Variants in SLC20A1 observed in about 807,000 individuals in gnomAD.
SLC20A1 encodes the protein sodium-dependent phosphate transporter 1.
A neutral mutation model predicts 62.7 loss-of-function variants in SLC20A1; 28 were observed. The ratio of observed to expected loss-of-function variants is 0.45; its 90% CI spans 0.33 to 0.61. The LOEUF (loss-of-function observed/expected upper bound fraction) is 0.61. SLC20A1 is among the 20% of genes least tolerant of loss of function. The pLI is 0.02. For missense variants in SLC20A1, 673 were observed against 838.6 expected, an observed-to-expected ratio of 0.80 and a Z score of 2.44; for synonymous variants, 305 against 302.9, an observed-to-expected ratio of 1.01 and a Z score of -0.07.
At chr2:112,657,262 A>T in intron 6 of SLC20A1, 21 bp downstream of exon 6, 4 of 1,606,366 alleles carry the variant, frequency 2.5e-6, no homozygotes, top group Non-Finnish European at 3.4e-6. Flanking sequence ...ACTAAACAGC[A>T]GAAAAGTTTA....
At chr2:112,649,261 A>G (rs1214158459) in intron 4 of SLC20A1, among the ~76,000 whole-genome samples, 1 of 152,210 alleles carries the variant, frequency 6.6e-6, no homozygotes, top group African/African-American at 2.4e-5. Flanking sequence ...CTATATGGGT[A>G]TGGGAATGGG....
chr2:112,654,964 ATTT>A (rs371613434), intron 5 of SLC20A1, among the ~76,000 whole-genome samples: 101 of 89,338 alleles, frequency 1.1e-3, no homozygotes, highest in South Asian at 5.2e-3. Flanking sequence ...TTTGTTTCTA[ATTT>A]TTTTTTTTTT....
In SLC20A1 at chr2:112,659,396, G is replaced by A; in HGVS notation, c.1241G>A (p.Arg414His). 1.9e-6 allele frequency: 3 copies of A among 1,614,178 alleles called. No homozygotes were observed. The highest frequency in any genetic ancestry group is 1.7e-5 in the Admixed American group (1 of 60,016). Residue 414 changes from arginine to histidine, a missense_variant, in exon 8 of 11, where the codon CGC (arginine) becomes CAC (histidine). By Grantham distance (29) the Arg-to-His change is conservative. Transcript: ENST00000272542. ...GACTCCGGTGACAAACCCTTAAGGC[G>A]CAATAATAGCTATACTTCCTATACC... The part of the protein sequence containing the change: ...MGDSGDKPLR[R>H]NNSYTSYTMA...
intron 6 of SLC20A1, among the ~76,000 whole-genome samples, chr2:112,657,907 G>A (rs569056497): frequency 7.0e-4 from 107 of 152,238 alleles, no homozygotes; most frequent in African/African-American, 2.3e-3. Flanking sequence ...GGTTAGTATC[G>A]GACTTTTTTT....
In SLC20A1 at chr2:112,661,136, CTG is replaced by C. The variant is rs1686738321; in HGVS notation, c.1794-4_1794-3del. 6 of 1,612,408 alleles carry C rather than the reference CTG, an allele frequency of 3.7e-6. No individual in the cohort carries two copies. Among genetic ancestry groups the C allele is most frequent in the Non-Finnish European group, 5.1e-6 (6 of 1,178,652 alleles). The stretch of plus-strand genomic sequence containing the variant: ...CTTCCTGACAAGAATCCTTTTGTGT[CTG>C]TAGTGGCTTCAGTATTGAACTGGCA... On this transcript the variant is annotated splice_polypyrimidine_tract_variant and splice_region_variant and intron_variant, in intron 9 of 10. Coordinates refer to ENST00000272542, the MANE Select transcript of SLC20A1 (RefSeq NM_005415.5).
At chr2:112,657,346 ATTT>A in intron 6 of SLC20A1, 105 bp downstream of exon 6, 1 of 1,197,598 alleles carries the variant, frequency 8.4e-7, no homozygotes, top group Non-Finnish European at 1.2e-6. Context: ...AAAATAAGAG[ATTT>A]TAAAGGGAAA....
At chr2:112,648,516 C>T (rs1400338418) in intron 4 of SLC20A1, among the ~76,000 whole-genome samples, 1 of 152,140 alleles carries the variant, frequency 6.6e-6, no homozygotes, top group Non-Finnish European at 1.5e-5. Flanking sequence ...TAAAAGTGTT[C>T]CTAAACTGTA....
In SLC20A1 at chr2:112,654,995, G is replaced by A. The variant is rs1391505246; in HGVS notation, c.659-2127G>A. Among the ~76,000 whole-genome samples, 45 of 112,198 alleles carry A rather than the reference G, an allele frequency of 4.0e-4. No homozygotes were observed. The South Asian group carries it at 9.9e-3, about 25-fold the overall frequency. The allele number at this position is 112,198 out of a possible 152,430, so 73.6% of individuals were successfully genotyped here. A position where few individuals can be genotyped will look rare whatever the true frequency, so the allele number is the denominator to read the frequency against. On this transcript the variant is annotated intron_variant, in intron 5 of 10. Coordinates refer to ENST00000272542, the MANE Select transcript of SLC20A1 (RefSeq NM_005415.5). Reference sequence around the variant, plus strand: ...TTTTTTTTTTTTTTTTTGAGACAGAGTCTCGCCCTGTCACTCAGGTTGGAG... The same window carrying A: ...TTTTTTTTTTTTTTTTTGAGACAGAATCTCGCCCTGTCACTCAGGTTGGAG...
chr2:112,662,456 C>T (rs1418533106), intron 10 of SLC20A1, among the ~76,000 whole-genome samples: 1 of 61,412 alleles, frequency 1.6e-5, no homozygotes, highest in African/African-American at 4.1e-5. Flanking sequence ...TGGTGGGTGC[C>T]TGTAATCCCA....
rs572931531 is a variant in SLC20A1 at position 112,662,975 on chromosome 2, A to G, written c.1990A>G (p.Ile664Val). The change falls in exon 11 of 11, where the codon ATC becomes GTC. Residue 664 changes from isoleucine (I) to valine (V), a missense_variant. Coordinates refer to ENST00000272542, the MANE Select transcript of SLC20A1 (RefSeq NM_005415.5). ...WFVTVPISGV[I>V]SAAIMAIFRY... ...TGTCACAGTCCCCATTTCTGGAGTT[A>G]TCAGTGCTGCCATCATGGCAATCTT... The G allele has an allele frequency of 6.2e-7, 1 of 1,614,172 alleles. No homozygotes were observed. The highest frequency in any genetic ancestry group is 1.1e-5 in the South Asian group (1 of 91,082).
At chr2:112,660,363 T>C in intron 8 of SLC20A1, 24 bp from the exon 9 acceptor site, 1 of 1,609,734 alleles carries the variant, frequency 6.2e-7, no homozygotes, top group Non-Finnish European at 8.5e-7. Context: ...GAAAAGTCAC[T>C]TCTGCCCTCT....
At chr2:112,648,022 TG>T (rs1233073420) in intron 4 of SLC20A1, among the ~76,000 whole-genome samples, 1 of 152,252 alleles carries the variant, frequency 6.6e-6, no homozygotes, top group African/African-American at 2.4e-5. Flanking sequence ...CGTGGTTTTG[TG>T]TAGCTGTATA....
At chr2:112,658,207 G>A (rs1379994468) in intron 6 of SLC20A1, among the ~76,000 whole-genome samples, 1 of 152,238 alleles carries the variant, frequency 6.6e-6, no homozygotes, top group Non-Finnish European at 1.5e-5. Flanking sequence ...TGACTGAGGT[G>A]CCTGGATGGA....
chr2:112,655,013 G>C (rs1686545374), intron 5 of SLC20A1, among the ~76,000 whole-genome samples: 1 of 141,108 alleles, frequency 7.1e-6, no homozygotes, highest in East Asian at 2.0e-4. Flanking sequence ...CTGTCACTCA[G>C]GTTGGAGTGC....
Position 112,659,625 on chromosome 2 carries a change from A to C in SLC20A1, c.1470A>C (p.Leu490=). 6.2e-7 allele frequency: 1 copy of C among 1,614,228 alleles called. No individual in the cohort carries two copies. Among genetic ancestry groups the C allele is most frequent in the Non-Finnish European group, 8.5e-7 (1 of 1,180,026 alleles). ...IDMSVKAEMG[L]GDRKGSNGSL... is the part of the protein sequence containing the mutation. ...TGAGTGTCAAGGCAGAGATGGGTCT[A>C]GGTGACAGAAAAGGAAGTAATGGCT... The change falls in exon 8 of 11, where the codon CTA becomes CTC. Residue 490 remains leucine (L), a synonymous_variant. Transcript: ENST00000272542.
At chr2:112,655,953 A>G (rs1251400720) in intron 5 of SLC20A1, among the ~76,000 whole-genome samples, 2 of 152,174 alleles carry the variant, frequency 1.3e-5, no homozygotes, top group East Asian at 1.9e-4. Flanking sequence ...CACCTGTCTC[A>G]GCCTCCCAAA....
chr2:112,658,628 T>C, intron 6 of SLC20A1, 197 bp from the exon 7 acceptor site: 1 of 601,666 alleles, frequency 1.7e-6, no homozygotes, highest in Non-Finnish European at 2.8e-6. Context: ...CATAGGGTGT[T>C]CTGCATTGCT....
rs764835023 is a variant in SLC20A1 at position 112,659,286 on chromosome 2, G to A, written c.1131G>A (p.Gln377=). ...SNQINSSGHY[Q]YHTVHKDSGL... ...AAATAAACTCCAGTGGCCACTACCA[G>A]TATCACACCGTGCATAAGGATTCCG... Residue 377 remains glutamine (Q), a synonymous_variant, in exon 8 of 11, where the codon CAG becomes CAA. Coordinates refer to ENST00000272542, the MANE Select transcript of SLC20A1 (RefSeq NM_005415.5). 1.9e-6 allele frequency: 3 copies of A among 1,614,194 alleles called. No homozygotes were observed. The East Asian group carries it at 6.7e-5, about 36-fold the overall frequency.
chr2:112,652,182 C>G (rs1249530650), intron 4 of SLC20A1: 1 of 156,320 alleles, frequency 6.4e-6, no homozygotes, highest in African/African-American at 2.4e-5. Flanking sequence ...TGACCTTGTG[C>G]ACAATCAGTT....
Sources: gnomAD v4.1 joint callset for allele counts (sites outside exome capture counted in the v4.1 genomes callset) on GRCh38, gnomAD v4.1.1 for gene constraint, MANE v1.5 for transcripts, NCBI Gene and HGNC (gene_info 2026-07-23, HGNC 2026-07-21) for gene names.